Variants in PRKD1 observed in about 807,000 individuals in gnomAD.
The protein encoded by PRKD1 is serine/threonine-protein kinase D1.
PRKD1 carries 63 observed loss-of-function variants against 95.9 expected under a neutral mutation model. The ratio of observed to expected loss-of-function variants is 0.66; its 90% confidence interval spans 0.54 to 0.81. The LOEUF is 0.81. PRKD1 is among the 30% of genes least tolerant of loss of function. The probability of loss-of-function intolerance (pLI) is 0.00; values close to 1 mark genes in which losing one functional copy is unlikely to be tolerated. For missense variants in PRKD1, 1,048 were observed against 1,165.3 expected (o/e 0.90, Z 1.47); for synonymous variants, 425 against 423.1 (o/e 1.00, Z -0.05).
At chr14:29,869,486 G>A (rs1242012393) in intron 1 of PRKD1, among the ~76,000 whole-genome samples, 1 of 151,514 alleles carries the variant, frequency 6.6e-6, no homozygotes, top group Non-Finnish European at 1.5e-5. Flanking sequence ...TGCCTATGCT[G>A]AACATCACCT....
chr14:29,899,136 T>C (rs1047934553), intron 1 of PRKD1, among the ~76,000 whole-genome samples: 8 of 152,302 alleles, frequency 5.3e-5, no homozygotes, highest in East Asian at 3.9e-4. Context: ...CACACACCAA[T>C]AGAATAATAG....
At chr14:29,776,305 G>A (rs898588494) in intron 1 of PRKD1, among the ~76,000 whole-genome samples, 14 of 152,206 alleles carry the variant, frequency 9.2e-5, no homozygotes, top group Non-Finnish European at 2.9e-5. Context: ...GAATGACTTT[G>A]ATGAGTTGAG....
chr14:29,747,516 T>C (rs934255319), intron 1 of PRKD1, among the ~76,000 whole-genome samples: 1 of 152,144 alleles, frequency 6.6e-6, no homozygotes. Flanking sequence ...ATAGCAGCAC[T>C]ATTCACAATA....
At chr14:29,838,333 C>A (rs2139310192) in intron 1 of PRKD1, among the ~76,000 whole-genome samples, 1 of 152,128 alleles carries the variant, frequency 6.6e-6, no homozygotes, top group East Asian at 1.9e-4. Context: ...CATCAACAGA[C>A]CACCAACTCA....
At chr14:29,738,325 C>T (rs1183961761) in intron 1 of PRKD1, among the ~76,000 whole-genome samples, 1 of 152,052 alleles carries the variant, frequency 6.6e-6, no homozygotes, top group Admixed American at 6.6e-5. Flanking sequence ...TTTCACCTTT[C>T]TCCCTCCCTC....
intron 1 of PRKD1, among the ~76,000 whole-genome samples, chr14:29,894,871 A>C (rs1894066079): frequency 6.6e-6 from 1 of 152,226 alleles, no homozygotes; most frequent in Admixed American, 6.5e-5. Flanking sequence ...TGATTTTCTC[A>C]CAAGATCTTT....
At chr14:29,716,187 A>G (rs934651225) in intron 2 of PRKD1, among the ~76,000 whole-genome samples, 5 of 152,204 alleles carry the variant, frequency 3.3e-5, no homozygotes, top group African/African-American at 1.2e-4. Flanking sequence ...CAATTAGCAC[A>G]GTAATAGATG....
intron 1 of PRKD1, among the ~76,000 whole-genome samples, chr14:29,806,721 A>G (rs920062012): frequency 6.6e-6 from 1 of 152,196 alleles, no homozygotes; most frequent in Non-Finnish European, 1.5e-5. Flanking sequence ...GAGACAAAGG[A>G]CTGCCTGTAA....
chr14:29,623,999 G>A (rs540423611), intron 13 of PRKD1, among the ~76,000 whole-genome samples, 153 bp downstream of exon 13: 2 of 152,212 alleles, frequency 1.3e-5, no homozygotes, highest in African/African-American at 4.8e-5. Flanking sequence ...ATACTATTGA[G>A]GCAAGTTCTG....
chr14:29,838,858 G>C (rs1360094616), intron 1 of PRKD1, among the ~76,000 whole-genome samples: 1 of 152,118 alleles, frequency 6.6e-6, no homozygotes, highest in Non-Finnish European at 1.5e-5. Flanking sequence ...TAATGGGTTT[G>C]AAAAGAGTCC....
At chr14:29,911,081 T>C (rs1894694363) in intron 1 of PRKD1, among the ~76,000 whole-genome samples, 1 of 152,164 alleles carries the variant, frequency 6.6e-6, no homozygotes, top group Admixed American at 6.5e-5. Context: ...AAGTAATTAA[T>C]TTTGGCTTGT....
intron 2 of PRKD1, among the ~76,000 whole-genome samples, chr14:29,692,560 G>C (rs1884297386): frequency 2.6e-5 from 4 of 152,134 alleles, no homozygotes; most frequent in Admixed American, 2.6e-4. Context: ...CCAGAAAGAG[G>C]AATGTAAAAC....
chr14:29,669,041 C>T (rs768217725), intron 2 of PRKD1, among the ~76,000 whole-genome samples: 1 of 152,150 alleles, frequency 6.6e-6, no homozygotes, highest in Non-Finnish European at 1.5e-5. Context: ...TTATAAGCTG[C>T]ACCTTTATTT....
chr14:29,770,610 T>C (rs1323060938), intron 1 of PRKD1, among the ~76,000 whole-genome samples: 1 of 152,210 alleles, frequency 6.6e-6, no homozygotes, highest in African/African-American at 2.4e-5. Context: ...ATTGTGTCCA[T>C]GTTCTGGTAT....
At chr14:29,800,630 T>G (rs1209418899) in intron 1 of PRKD1, among the ~76,000 whole-genome samples, 1 of 152,114 alleles carries the variant, frequency 6.6e-6, no homozygotes, top group Non-Finnish European at 1.5e-5. Flanking sequence ...AAAGTAAAAT[T>G]GTGAACACTA....
intron 1 of PRKD1, among the ~76,000 whole-genome samples, chr14:29,830,677 T>A (rs987058803): frequency 6.6e-6 from 1 of 151,796 alleles, no homozygotes; most frequent in African/African-American, 2.4e-5. Context: ...ATAGAAACTT[T>A]TTTTTTTTTT....
At chr14:29,640,045 T>TTA (rs1320921847) in intron 4 of PRKD1, among the ~76,000 whole-genome samples, 2 of 152,212 alleles carry the variant, frequency 1.3e-5, no homozygotes, top group African/African-American at 2.4e-5. Context: ...TGAACCGTTG[T>TTA]TATAATTATG....
chr14:29,737,513 C>T (rs1886787822), intron 1 of PRKD1, among the ~76,000 whole-genome samples: 1 of 152,092 alleles, frequency 6.6e-6, no homozygotes, highest in African/African-American at 2.4e-5. Flanking sequence ...AAGAACTCTT[C>T]CTTTCCACAA....
At chr14:29,873,235 G>A (rs1324741964) in intron 1 of PRKD1, among the ~76,000 whole-genome samples, 9 of 151,980 alleles carry the variant, frequency 5.9e-5, no homozygotes, top group Admixed American at 2.0e-4. Flanking sequence ...ACAGGTGCCC[G>A]CCAACACACC....
Sources: allele counts gnomAD v4.1 joint callset (sites outside exome capture counted in the v4.1 genomes callset), GRCh38; gene constraint gnomAD v4.1.1; transcripts MANE v1.5; gene names NCBI Gene and HGNC (gene_info 2026-07-23, HGNC 2026-07-21).